Variants in DHRSX observed in about 807,000 individuals in gnomAD.
The protein encoded by DHRSX is dehydrogenase/reductase X-linked, also known as polyprenol dehydrogenase.
DHRSX carries 31 observed loss-of-function variants against 34.0 expected under a neutral mutation model. The observed-to-expected ratio is 0.91, with a 90% CI of 0.69 to 1.23. The LOEUF is 1.23. Among genes scored for constraint, DHRSX ranks in the 50% most tolerant of loss-of-function variants. DHRSX has a pLI of 0.00. For synonymous variants in DHRSX, 201 were observed against 183.8 expected (o/e 1.09, Z -0.76); for missense variants, 414 against 428.1 (o/e 0.97, Z 0.29).
At chrX:2,331,034 G>A (rs1205513506) in intron 3 of DHRSX, among the ~76,000 whole-genome samples, 2 of 152,156 alleles carry the variant, frequency 1.3e-5, no homozygotes, top group African/African-American at 2.4e-5. Flanking sequence ...GAGATGTCCA[G>A]TAATGGGGTA....
At chrX:2,229,771 G>A (rs1019462536) in intron 6 of DHRSX, among the ~76,000 whole-genome samples, 45 of 152,020 alleles carry the variant, frequency 3.0e-4, no homozygotes, top group Non-Finnish European at 5.3e-4. Context: ...GTGTGGGGGC[G>A]CAGATGTGCG....
intron 1 of DHRSX, among the ~76,000 whole-genome samples, chrX:2,426,957 A>G (rs2043858248): frequency 6.6e-6 from 1 of 152,196 alleles, no homozygotes; most frequent in Non-Finnish European, 1.5e-5. Flanking sequence ...AGGGAAATGA[A>G]TTAGACAAAG....
At chrX:2,370,796 C>T (rs926724247) in intron 3 of DHRSX, among the ~76,000 whole-genome samples, 2 of 152,036 alleles carry the variant, frequency 1.3e-5, no homozygotes, top group African/African-American at 2.4e-5. Context: ...TATCAGGCCC[C>T]GGGATGTTGG....
intron 1 of DHRSX, among the ~76,000 whole-genome samples, chrX:2,440,539 T>A (rs2044049872): frequency 6.6e-6 from 1 of 151,548 alleles, no homozygotes; most frequent in Non-Finnish European, 1.5e-5. Flanking sequence ...TCTTTCTTTT[T>A]TTTTTTGAAA....
chrX:2,396,375 C>CTTTTTTTTTTTTTTTTT (rs1204243041), intron 3 of DHRSX, among the ~76,000 whole-genome samples: 6 of 99,220 alleles, frequency 6.0e-5, no homozygotes, highest in Non-Finnish European at 1.1e-4. Flanking sequence ...CTTTCTTTTT[C>CTTTTTTTTTTTTTTTTT]TTTTTTTTTT....
chrX:2,481,827 A>G (rs1569505632), intron 1 of DHRSX, among the ~76,000 whole-genome samples: 1 of 151,798 alleles, frequency 6.6e-6, no homozygotes, highest in South Asian at 2.1e-4. Context: ...CCTAACACAC[A>G]CCATGGCAGG....
At chrX:2,411,027 C>T (rs1290732864) in intron 2 of DHRSX, among the ~76,000 whole-genome samples, 2 of 151,848 alleles carry the variant, frequency 1.3e-5, no homozygotes, top group Non-Finnish European at 2.9e-5. Flanking sequence ...TGGGTTTCGA[C>T]GGGAGGGAGA....
chrX:2,414,174 C>T (rs972527801), intron 2 of DHRSX, among the ~76,000 whole-genome samples: 2 of 151,860 alleles, frequency 1.3e-5, no homozygotes, highest in Non-Finnish European at 2.9e-5. Flanking sequence ...TTCATCATGA[C>T]CAACCCAACT....
chrX:2,330,679 G>C (rs967455716), intron 3 of DHRSX, among the ~76,000 whole-genome samples: 11 of 134,128 alleles, frequency 8.2e-5, no homozygotes, highest in African/African-American at 3.5e-4. Flanking sequence ...GGAGAAGGAG[G>C]AGGAGAAGTA....
At chrX:2,473,824 G>T (rs1408859335) in intron 1 of DHRSX, among the ~76,000 whole-genome samples, 1 of 140,166 alleles carries the variant, frequency 7.1e-6, no homozygotes, top group East Asian at 1.9e-4. Flanking sequence ...AAAGATTCAG[G>T]TTCTGAATCT....
intron 3 of DHRSX, among the ~76,000 whole-genome samples, chrX:2,357,479 A>C (rs2042870436): frequency 1.3e-5 from 2 of 152,142 alleles, no homozygotes. Context: ...TGGAGCTTTA[A>C]AGATCAAGAG....
chrX:2,420,415 T>TAAC (rs1369502583), intron 2 of DHRSX, among the ~76,000 whole-genome samples: 1 of 124,330 alleles, frequency 8.0e-6, no homozygotes, highest in Admixed American at 8.6e-5. Flanking sequence ...TCTCAAAAAA[T>TAAC]AATAATAATA....
chrX:2,372,114 T>G (rs1287692407), intron 3 of DHRSX, among the ~76,000 whole-genome samples: 3 of 152,210 alleles, frequency 2.0e-5, no homozygotes, highest in African/African-American at 7.2e-5. Context: ...GGCTCGGGTT[T>G]CTTCTTTCTT....
At chrX:2,224,522 G>C (rs1467055410) in intron 6 of DHRSX, among the ~76,000 whole-genome samples, 5 of 152,160 alleles carry the variant, frequency 3.3e-5, no homozygotes, top group Admixed American at 2.6e-4. Context: ...CAAGCGCATT[G>C]TGCTGAAAAT....
At chrX:2,464,451 G>A (rs185625001) in intron 1 of DHRSX, among the ~76,000 whole-genome samples, 5 of 74,384 alleles carry the variant, frequency 6.7e-5, no homozygotes, top group East Asian at 2.7e-4. Flanking sequence ...GTAAGGGACC[G>A]CCGCCATGTT....
chrX:2,390,498 T>C (rs370235240), intron 3 of DHRSX, among the ~76,000 whole-genome samples: 25 of 152,280 alleles, frequency 1.6e-4, no homozygotes, highest in African/African-American at 5.8e-4. Flanking sequence ...AAGTTTAGCA[T>C]TTTAACCATT....
At chrX:2,360,559 G>T (rs2042920564) in intron 3 of DHRSX, among the ~76,000 whole-genome samples, 1 of 151,936 alleles carries the variant, frequency 6.6e-6, no homozygotes, top group Admixed American at 6.6e-5. Context: ...CTCCAGCCTG[G>T]GCAACAGAGT....
At chrX:2,442,728 T>C (rs915645279) in intron 1 of DHRSX, among the ~76,000 whole-genome samples, 3 of 152,046 alleles carry the variant, frequency 2.0e-5, no homozygotes, top group Non-Finnish European at 4.4e-5. Context: ...TTCTGGAAAT[T>C]GAGACATCTG....
At chrX:2,244,034 G>C (rs1374057758) in intron 5 of DHRSX, among the ~76,000 whole-genome samples, 1 of 151,962 alleles carries the variant, frequency 6.6e-6, no homozygotes, top group Non-Finnish European at 1.5e-5. Context: ...GCCTCCCAAA[G>C]TGCTGGGATG....
Sources: gnomAD v4.1 joint callset for allele counts (sites outside exome capture counted in the v4.1 genomes callset) on GRCh38, gnomAD v4.1.1 for gene constraint, MANE v1.5 for transcripts, NCBI Gene and HGNC (gene_info 2026-07-23, HGNC 2026-07-21) for gene names.